The following LRP1B variants were observed in gnomAD, a reference collection of about 807,000 sequenced individuals.
LRP1B encodes the protein LDL receptor related protein 1B, also known as low-density lipoprotein receptor-related protein 1B.
In LRP1B, 217 loss-of-function variants were observed where a neutral mutation model predicts 556.6. That is an observed-to-expected ratio of 0.39 (90% CI 0.35 to 0.44). LRP1B has a LOEUF of 0.44. LRP1B is among the 20% of genes least tolerant of loss of function. LRP1B has a pLI of 1.00. For missense variants in LRP1B, 5,053 were observed against 5,620.8 expected (o/e 0.90, Z 3.23); for synonymous variants, 2,047 against 1,865.8 (o/e 1.10, Z -2.50).
At chr2:140,461,869 T>C (rs560704362) in intron 60 of LRP1B, among the ~76,000 whole-genome samples, 1 of 152,162 alleles carries the variant, frequency 6.6e-6, no homozygotes, top group East Asian at 1.9e-4. Context: ...TATAAAGTCT[T>C]TATTCATATT....
intron 41 of LRP1B, among the ~76,000 whole-genome samples, chr2:140,644,710 G>C (rs1002017287): frequency 2.0e-5 from 3 of 152,036 alleles, no homozygotes; most frequent in Admixed American, 6.6e-5. Flanking sequence ...ACCATGCCCA[G>C]CCTATTTAAT....
chr2:141,915,442 A>C (rs2104961107), intron 1 of LRP1B, among the ~76,000 whole-genome samples: 1 of 152,312 alleles, frequency 6.6e-6, no homozygotes, highest in Non-Finnish European at 1.5e-5. Context: ...ACAAAAATTA[A>C]CTCAAGATGG....
Position 142,120,326 on chromosome 2 carries a change from G to A in LRP1B, c.82+10322C>T, listed in dbSNP as rs546803068. Among the ~76,000 whole-genome samples the A allele has an allele frequency of 2.0e-5, 3 of 152,196 alleles. No individual in the cohort carries two copies. In the East Asian group the frequency reaches 5.8e-4, roughly 29 times the overall value. On this transcript the variant is annotated intron_variant, in intron 1 of 90. Transcript: ENST00000389484. ...AGGGTTTCACCATGTTGGCCAGGTT[G>A]GTCTCAAACTCCTGCCTTCAGGTGA...
At chr2:140,487,509 C>T in intron 58 of LRP1B, 108 bp downstream of exon 58, 2 of 1,039,640 alleles carry the variant, frequency 1.9e-6, no homozygotes, top group Non-Finnish European at 2.8e-6. Flanking sequence ...TTGAAACCAC[C>T]CTAATGCATT....
At chr2:141,926,800 T>C (rs1316003981) in intron 1 of LRP1B, among the ~76,000 whole-genome samples, 1 of 152,170 alleles carries the variant, frequency 6.6e-6, no homozygotes, top group Non-Finnish European at 1.5e-5. Context: ...GGGATTGAGC[T>C]ATATTAACCA....
chr2:140,968,813 G>A (rs895385641), intron 18 of LRP1B, among the ~76,000 whole-genome samples: 1 of 152,192 alleles, frequency 6.6e-6, no homozygotes, highest in Non-Finnish European at 1.5e-5. Context: ...GGAGCAGATT[G>A]TTCAGTTTCC....
intron 1 of LRP1B, among the ~76,000 whole-genome samples, chr2:141,963,632 A>G (rs1443807332): frequency 6.6e-5 from 10 of 151,594 alleles, no homozygotes; most frequent in African/African-American, 9.7e-5. Flanking sequence ...CCCACAGCCA[A>G]CATCATACTG....
intron 84 of LRP1B, among the ~76,000 whole-genome samples, chr2:140,292,750 T>G (rs936763825): frequency 1.3e-5 from 2 of 152,192 alleles, no homozygotes; most frequent in African/African-American, 4.8e-5. Context: ...ATTTCCTTTC[T>G]TAATGCCGAA....
chr2:141,121,851 A>T (rs901930071), intron 7 of LRP1B, among the ~76,000 whole-genome samples: 1 of 152,200 alleles, frequency 6.6e-6, no homozygotes, highest in South Asian at 2.1e-4. Flanking sequence ...ACTTCATGCT[A>T]TACTACAAGG....
intron 1 of LRP1B, among the ~76,000 whole-genome samples, chr2:142,028,502 A>G (rs866934648): frequency 2.6e-5 from 4 of 152,010 alleles, no homozygotes; most frequent in Non-Finnish European, 5.9e-5. Context: ...GTGTATCAGT[A>G]GACTACTCCT....
chr2:142,120,816 G>A (rs1375612), intron 1 of LRP1B, among the ~76,000 whole-genome samples: 74,430 of 151,920 alleles, frequency 0.49, 18,570 homozygotes, highest in East Asian at 0.69. Context: ...CATGGCATAG[G>A]CAAACACAGG....
At chr2:140,748,355 TAATATATATTTATATATGTATA>T (rs1688410177) in intron 35 of LRP1B, among the ~76,000 whole-genome samples, 1 of 85,976 alleles carries the variant, frequency 1.2e-5, no homozygotes, top group East Asian at 4.1e-4. Context: ...TATTCATATA[TAATATATATTTATATATGTATA>T]TATATTCATA....
At chr2:141,377,145 G>T (rs1689467691) in intron 3 of LRP1B, among the ~76,000 whole-genome samples, 1 of 152,032 alleles carries the variant, frequency 6.6e-6, no homozygotes, top group Admixed American at 6.6e-5. Context: ...GAAAAGTAAT[G>T]TATCTGTTTT....
At chr2:140,471,981 C>A (rs562344288) in intron 60 of LRP1B, among the ~76,000 whole-genome samples, 1 of 152,298 alleles carries the variant, frequency 6.6e-6, no homozygotes, top group South Asian at 2.1e-4. Flanking sequence ...CTATGGGGAG[C>A]TTTTACTAAA....
intron 7 of LRP1B, among the ~76,000 whole-genome samples, chr2:141,114,225 T>C (rs1449179123): frequency 6.6e-6 from 1 of 152,172 alleles, no homozygotes. Context: ...CGTCTAAGGG[T>C]GTGCTACAAT....
chr2:141,702,459 G>A (rs1033875083), intron 2 of LRP1B, among the ~76,000 whole-genome samples: 1 of 151,860 alleles, frequency 6.6e-6, no homozygotes, highest in Non-Finnish European at 1.5e-5. Context: ...TTAAACAGGA[G>A]TAACTACTTT....
chr2:142,020,211 T>C (rs978318230), intron 1 of LRP1B, among the ~76,000 whole-genome samples: 4 of 152,006 alleles, frequency 2.6e-5, no homozygotes, highest in Admixed American at 1.3e-4. Flanking sequence ...CGTTCATGAG[T>C]GGTATAGGAA....
At chr2:142,103,696 T>C (rs1269593814) in intron 1 of LRP1B, among the ~76,000 whole-genome samples, 2 of 152,020 alleles carry the variant, frequency 1.3e-5, no homozygotes, top group Non-Finnish European at 2.9e-5. Flanking sequence ...TCTAATCTTG[T>C]AAAAGATGAC....
intron 25 of LRP1B, among the ~76,000 whole-genome samples, chr2:140,874,306 A>C (rs1459531136): frequency 6.6e-6 from 1 of 152,124 alleles, no homozygotes. Flanking sequence ...CAAAGTTCAA[A>C]TGTATTGCAT....
Sources: gnomAD v4.1 joint callset for allele counts (sites outside exome capture counted in the v4.1 genomes callset) on GRCh38, gnomAD v4.1.1 for gene constraint, MANE v1.5 for transcripts, NCBI Gene and HGNC (gene_info 2026-07-23, HGNC 2026-07-21) for gene names.